Variants in CNTLN observed in about 807,000 individuals in gnomAD.
The protein encoded by CNTLN is centlein.
In CNTLN, 212 loss-of-function variants were observed where a neutral mutation model predicts 180.0. The observed-to-expected ratio is 1.18, with a 90% CI of 1.05 to 1.32. The LOEUF (loss-of-function observed/expected upper bound fraction) is 1.32, where lower values mean the gene tolerates loss of function less well. Ranked by LOEUF, CNTLN falls within the 40% of genes most tolerant of loss-of-function variation. The pLI is 0.00. For synonymous variants in CNTLN, 722 were observed against 563.1 expected (o/e 1.28, Z -3.99); for missense variants, 2,095 against 1,610.9 (o/e 1.30, Z -5.14).
intron 2 of CNTLN, among the ~76,000 whole-genome samples, chr9:17,220,181 C>T (rs1252711398): frequency 6.6e-6 from 1 of 152,018 alleles, no homozygotes; most frequent in Non-Finnish European, 1.5e-5. Context: ...GGCAACCTAA[C>T]CACTAGTTAG....
At chr9:17,285,390 A>G (rs1300348222) in intron 6 of CNTLN, among the ~76,000 whole-genome samples, 2 of 147,984 alleles carry the variant, frequency 1.4e-5, no homozygotes, top group Non-Finnish European at 3.0e-5. Flanking sequence ...ACATTTTCTT[A>G]ATCCAGTCTA....
chr9:17,255,232 A>T (rs1826399890), intron 5 of CNTLN, among the ~76,000 whole-genome samples: 1 of 151,688 alleles, frequency 6.6e-6, no homozygotes, highest in African/African-American at 2.4e-5. Flanking sequence ...GTTGAATAGG[A>T]GTGGTGAGAG....
intron 25 of CNTLN, among the ~76,000 whole-genome samples, chr9:17,492,961 G>A (rs548396343): frequency 6.6e-6 from 1 of 152,262 alleles, no homozygotes; most frequent in Non-Finnish European, 1.5e-5. Flanking sequence ...AAGACATTAT[G>A]CTAAGTGAAA....
intron 1 of CNTLN, among the ~76,000 whole-genome samples, chr9:17,142,809 A>G (rs1818197444): frequency 1.3e-5 from 2 of 152,232 alleles, no homozygotes; most frequent in Admixed American, 1.3e-4. Flanking sequence ...AACCTAGGTA[A>G]TAAGGACTGA....
chr9:17,177,814 A>G (rs541490966), intron 2 of CNTLN, among the ~76,000 whole-genome samples: 2 of 152,254 alleles, frequency 1.3e-5, no homozygotes, highest in South Asian at 2.1e-4. Context: ...TATTGCAAAG[A>G]GCGAAAGAAC....
At chr9:17,352,414 ATAT>A (rs1429008234) in intron 12 of CNTLN, among the ~76,000 whole-genome samples, 133 of 25,268 alleles carry the variant, frequency 5.3e-3, no homozygotes, top group Middle Eastern at 0.017. Context: ...ATATATATAT[ATAT>A]TTTTTTTTTT....
At chr9:17,324,699 C>T (rs372050268) in intron 8 of CNTLN, among the ~76,000 whole-genome samples, 3 of 152,132 alleles carry the variant, frequency 2.0e-5, no homozygotes, top group East Asian at 1.9e-4. Flanking sequence ...GTAACCCACT[C>T]GGTGTTAAGT....
chr9:17,163,740 T>C (rs1301212449), intron 2 of CNTLN, among the ~76,000 whole-genome samples: 4 of 152,110 alleles, frequency 2.6e-5, no homozygotes, highest in African/African-American at 9.7e-5. Flanking sequence ...TGAAAAACAT[T>C]GATCTGGCTG....
chr9:17,202,646 G>GTTTTTTTTTTGTT (rs1822616679), intron 2 of CNTLN, among the ~76,000 whole-genome samples: 1 of 71,486 alleles, frequency 1.4e-5, no homozygotes, highest in African/African-American at 5.3e-5. Flanking sequence ...TGCAACCTCT[G>GTTTTTTTTTTGTT]TTTTTTTTTT....
At chr9:17,174,077 A>T (rs1193467704) in intron 2 of CNTLN, among the ~76,000 whole-genome samples, 1 of 152,238 alleles carries the variant, frequency 6.6e-6, no homozygotes, top group Non-Finnish European at 1.5e-5. Flanking sequence ...AATGTTGTAT[A>T]AATGGAATCA....
chr9:17,198,806 T>G (rs1035854280), intron 2 of CNTLN, among the ~76,000 whole-genome samples: 1 of 152,054 alleles, frequency 6.6e-6, no homozygotes, highest in Non-Finnish European at 1.5e-5. Context: ...TGTTTTAGTT[T>G]GCTGAGGATG....
intron 2 of CNTLN, among the ~76,000 whole-genome samples, chr9:17,158,141 G>A (rs1455152387): frequency 6.6e-6 from 1 of 152,118 alleles, no homozygotes; most frequent in Non-Finnish European, 1.5e-5. Context: ...TATCTTTTCT[G>A]TCTATTGAGA....
At chr9:17,247,839 T>G (rs916965535) in intron 5 of CNTLN, among the ~76,000 whole-genome samples, 5 of 150,346 alleles carry the variant, frequency 3.3e-5, no homozygotes, top group African/African-American at 1.2e-4. Context: ...TCTTTCTTTT[T>G]TTTTTTTTTT....
chr9:17,149,367 G>T (rs759022510), intron 2 of CNTLN, among the ~76,000 whole-genome samples: 19 of 152,096 alleles, frequency 1.2e-4, no homozygotes, highest in East Asian at 1.9e-4. Flanking sequence ...GGTATTTCTA[G>T]TTCTAGATCC....
intron 12 of CNTLN, among the ~76,000 whole-genome samples, chr9:17,359,749 A>AAAAAAAAAAAAAAAAAAAAAG (rs1231775323): frequency 7.2e-6 from 1 of 138,232 alleles, no homozygotes; most frequent in Non-Finnish European, 1.6e-5. Flanking sequence ...AAAAAAAAAA[A>AAAAAAAAAAAAAAAAAAAAAG]ACTAGCTGGG....
chr9:17,291,292 G>C (rs1829390006), intron 6 of CNTLN, among the ~76,000 whole-genome samples: 1 of 152,090 alleles, frequency 6.6e-6, no homozygotes, highest in Non-Finnish European at 1.5e-5. Flanking sequence ...ATTGTTTTTG[G>C]GTGGAGAGTT....
intron 2 of CNTLN, among the ~76,000 whole-genome samples, chr9:17,162,951 G>A (rs538119162): frequency 6.6e-6 from 1 of 152,150 alleles, no homozygotes; most frequent in African/African-American, 2.4e-5. Context: ...TTCTCACACT[G>A]CTAATAAAGA....
chr9:17,352,439 G>C (rs1231845779), intron 12 of CNTLN, among the ~76,000 whole-genome samples: 1 of 139,308 alleles, frequency 7.2e-6, no homozygotes, highest in Non-Finnish European at 1.5e-5. Flanking sequence ...TTGGTATGTA[G>C]AAATGAGGAT....
intron 7 of CNTLN, among the ~76,000 whole-genome samples, chr9:17,308,743 A>G (rs1254967805): frequency 6.6e-6 from 1 of 151,920 alleles, no homozygotes; most frequent in Non-Finnish European, 1.5e-5. Context: ...GCTAGCTTAA[A>G]GTATTTTCTT....
Sources: allele counts gnomAD v4.1 joint callset (sites outside exome capture counted in the v4.1 genomes callset), GRCh38; gene constraint gnomAD v4.1.1; transcripts MANE v1.5; gene names NCBI Gene and HGNC (gene_info 2026-07-23, HGNC 2026-07-21).